Variants in CSMD2 observed in about 807,000 individuals in gnomAD.
The protein encoded by CSMD2 is CUB and sushi domain-containing protein 2.
In CSMD2, 130 loss-of-function variants were observed where a neutral mutation model predicts 398.5. The ratio of observed to expected loss-of-function variants is 0.33; its 90% CI spans 0.28 to 0.38. The LOEUF is 0.38. Among genes scored for constraint, CSMD2 ranks in the 10% least tolerant of loss-of-function variants. The probability of loss-of-function intolerance (pLI) is 1.00; values close to 1 mark genes in which losing one functional copy is unlikely to be tolerated. For synonymous variants in CSMD2, 1,828 were observed against 1,908.5 expected, an observed-to-expected ratio of 0.96 and a Z score of 1.10; for missense variants, 3,829 against 4,764.9, an observed-to-expected ratio of 0.80 and a Z score of 5.78.
intron 32 of CSMD2, among the ~76,000 whole-genome samples, 200 bp from the exon 33 acceptor site, chr1:33,626,781 G>A (rs1005573750): frequency 6.6e-6 from 1 of 152,112 alleles, no homozygotes; most frequent in Non-Finnish European, 1.5e-5. Context: ...TTTCATTCAC[G>A]GTCTTAACTT....
chr1:34,060,455 G>A (rs1445241866), intron 2 of CSMD2, among the ~76,000 whole-genome samples: 3 of 152,084 alleles, frequency 2.0e-5, no homozygotes, highest in South Asian at 2.1e-4. Context: ...GAGAAAGACC[G>A]GGAGGCGGAG....
intron 5 of CSMD2, among the ~76,000 whole-genome samples, chr1:33,904,657 GTTTGTTTTGT>G (rs373811719): frequency 1.3e-5 from 2 of 151,928 alleles, no homozygotes; most frequent in Non-Finnish European, 2.9e-5. Flanking sequence ...AGGTTTTTTT[GTTTGTTTTGT>G]TTTGTTTTGT....
Position 33,739,270 on chromosome 1 carries a change from G to A in CSMD2, c.2238C>T (p.Ser746=). The A allele has an allele frequency of 6.2e-7, 1 of 1,614,202 alleles. No individual in the cohort carries two copies. Among genetic ancestry groups the A allele is most frequent in the Non-Finnish European group, 8.5e-7 (1 of 1,180,014 alleles). ...AGGAGATGGAGCTGCCCAGCTGGAG[G>A]CTGTCCCCAAACCGTTTGCCATTTA... is the stretch of plus-strand genomic sequence containing the variant. ...VPVNGKRFGD[S]LQLGSSISFL... is the part of the protein sequence containing the mutation. Residue 746 remains serine, a synonymous_variant, in exon 15 of 71, where the codon AGC becomes AGT. Coordinates refer to ENST00000373381, the MANE Select transcript of CSMD2 (RefSeq NM_001281956.2).
intron 19 of CSMD2, among the ~76,000 whole-genome samples, chr1:33,719,799 C>A (rs1557785121): frequency 6.6e-6 from 1 of 152,174 alleles, no homozygotes; most frequent in African/African-American, 2.4e-5. Context: ...ACATTTACCC[C>A]CGAAGTGAGT....
chr1:33,982,806 G>A (rs1006009352), intron 3 of CSMD2, among the ~76,000 whole-genome samples: 1 of 152,204 alleles, frequency 6.6e-6, no homozygotes, highest in Non-Finnish European at 1.5e-5. Flanking sequence ...CACAGGGAGG[G>A]CTGGCAAAGA....
intron 7 of CSMD2, among the ~76,000 whole-genome samples, chr1:33,823,264 C>T (rs917727957): frequency 6.6e-6 from 1 of 152,232 alleles, no homozygotes; most frequent in Non-Finnish European, 1.5e-5. Context: ...TGCCCCCTTC[C>T]AGGGAGGACT....
At chr1:33,520,053 CA>C in intron 68 of CSMD2, 103 bp from the exon 69 acceptor site, 1 of 1,372,110 alleles carries the variant, frequency 7.3e-7, no homozygotes, top group Non-Finnish European at 1.0e-6. Context: ...GGCTGCCACT[CA>C]GGGTGCTCCT....
At chr1:33,722,532 T>G (rs1646390522) in intron 19 of CSMD2, among the ~76,000 whole-genome samples, 1 of 152,222 alleles carries the variant, frequency 6.6e-6, no homozygotes, top group Non-Finnish European at 1.5e-5. Flanking sequence ...ATGAGGTCCA[T>G]GATTTTCCAT....
intron 13 of CSMD2, among the ~76,000 whole-genome samples, chr1:33,770,321 A>G (rs1186362207): frequency 6.6e-6 from 1 of 152,242 alleles, no homozygotes; most frequent in Non-Finnish European, 1.5e-5. Flanking sequence ...TCAGATTTTG[A>G]AACCAAAGTC....
At chr1:33,773,281 C>A (rs1335474548) in intron 12 of CSMD2, among the ~76,000 whole-genome samples, 1 of 152,220 alleles carries the variant, frequency 6.6e-6, no homozygotes, top group Non-Finnish European at 1.5e-5. Flanking sequence ...CTGTCTTTTT[C>A]CCAAACCAGA....
chr1:33,818,589 G>T (rs932214964), intron 9 of CSMD2, among the ~76,000 whole-genome samples: 1 of 152,148 alleles, frequency 6.6e-6, no homozygotes, highest in African/African-American at 2.4e-5. Context: ...ATTCTTTTTT[G>T]TTGTTTGATT....
At chr1:33,772,460 G>T (rs1651407079) in intron 13 of CSMD2, 109 bp downstream of exon 13, 1 of 916,546 alleles carries the variant, frequency 1.1e-6, no homozygotes, top group Non-Finnish European at 1.7e-6. Flanking sequence ...GAGTGCAGCT[G>T]TTGTTACAAC....
intron 3 of CSMD2, among the ~76,000 whole-genome samples, chr1:33,992,799 C>T (rs1215923985): frequency 6.6e-6 from 1 of 150,852 alleles, no homozygotes; most frequent in Non-Finnish European, 1.5e-5. Flanking sequence ...ATGGTGTGAA[C>T]CCGGGAGGCA....
chr1:33,994,154 C>T (rs912304580), intron 3 of CSMD2, among the ~76,000 whole-genome samples: 1 of 152,062 alleles, frequency 6.6e-6, no homozygotes, highest in Non-Finnish European at 1.5e-5. Context: ...ATAATTGAGG[C>T]AGAGCCAGTA....
intron 3 of CSMD2, among the ~76,000 whole-genome samples, chr1:33,985,339 A>G (rs1646321435): frequency 6.6e-6 from 1 of 152,184 alleles, no homozygotes; most frequent in Non-Finnish European, 1.5e-5. Flanking sequence ...TGTGAGGAAC[A>G]ATGCCAGGCA....
chr1:33,551,518 G>A (rs1210837804), intron 55 of CSMD2, among the ~76,000 whole-genome samples: 2 of 152,222 alleles, frequency 1.3e-5, no homozygotes, highest in Admixed American at 1.3e-4. Flanking sequence ...CATACAGGCA[G>A]ACCACAACAG....
chr1:33,791,899 T>C (rs1654361962), intron 11 of CSMD2, among the ~76,000 whole-genome samples: 1 of 152,160 alleles, frequency 6.6e-6, no homozygotes, highest in Non-Finnish European at 1.5e-5. Context: ...GATATTCTCC[T>C]CTCCCTTGTC....
Position 33,662,299 on chromosome 1 carries a change from T to C in CSMD2, c.4255+591A>G, listed in dbSNP as rs151138141. On this transcript the variant is annotated intron_variant, in intron 26 of 70. Transcript: ENST00000373381. ...CGTGCAGCATGTCCCATCAGCTTAT[T>C]CATAACCATGCCCCAAGCCACCGTC... Among the ~76,000 whole-genome samples the C allele has an allele frequency of 6.6e-5, 10 of 152,244 alleles. No homozygotes were observed. The East Asian group carries it at 1.9e-3, about 29-fold the overall frequency.
intron 5 of CSMD2, chr1:33,863,688 TC>T (rs1264261991): frequency 1.3e-5 from 2 of 156,070 alleles, no homozygotes; most frequent in Non-Finnish European, 2.8e-5. Context: ...TCTATCCACC[TC>T]CCCATGTTCA....
Sources: gnomAD v4.1 joint callset for allele counts (sites outside exome capture counted in the v4.1 genomes callset) on GRCh38, gnomAD v4.1.1 for gene constraint, MANE v1.5 for transcripts, NCBI Gene and HGNC (gene_info 2026-07-23, HGNC 2026-07-21) for gene names.